COG6: variants seen among roughly 807,000 people sequenced by gnomAD.
COG6 encodes the protein component of oligomeric golgi complex 6, also known as conserved oligomeric Golgi complex subunit 6.
In COG6, 74 loss-of-function variants were observed where a neutral mutation model predicts 88.8. The observed-to-expected ratio is 0.83, with a 90% confidence interval of 0.69 to 1.01. The LOEUF is 1.01. COG6 is among the 50% of genes least tolerant of loss of function. The pLI is 0.00. For missense variants in COG6, 800 were observed against 797.9 expected (o/e 1.00, Z -0.03); for synonymous variants, 286 against 278.7 (o/e 1.03, Z -0.26).
rs1880699983 is a variant in COG6, at chr13:39,752,582, T to C, written c.*1489T>C. The C allele has an allele frequency of 7.9e-7, 1 of 1,263,442 alleles. No individual in the cohort carries two copies. Among genetic ancestry groups the C allele is most frequent in the South Asian group, 1.3e-5 (1 of 77,310 alleles). 78.3% of individuals were successfully genotyped at this position (1,263,442 alleles called of 1,614,324 possible). On this transcript the variant is annotated 3_prime_UTR_variant, in exon 19 of 19. Transcript: ENST00000455146. The stretch of plus-strand genomic sequence containing the variant: ...AATTCCTTTGTTTTATAGGGAAAAT[T>C]TATTGTGCTTTTTACCTGGTTTTTT...
At chr13:39,709,806 G>A (rs1878141038) in intron 13 of COG6, among the ~76,000 whole-genome samples, 2 of 152,026 alleles carry the variant, frequency 1.3e-5, no homozygotes, top group African/African-American at 4.8e-5. Flanking sequence ...GGGCACTTAG[G>A]TTGATTCCGT....
chr13:39,766,460 T>C (rs1881168536), intron 18 of COG6, among the ~76,000 whole-genome samples: 1 of 151,688 alleles, frequency 6.6e-6, no homozygotes, highest in Admixed American at 6.6e-5. Context: ...GGAACAAGAG[T>C]AGCCTTTGTA....
chr13:39,686,895 AT>A (rs1021564991), intron 8 of COG6, among the ~76,000 whole-genome samples: 306 of 143,230 alleles, frequency 2.1e-3, no homozygotes, highest in African/African-American at 5.7e-3. Context: ...ATGCCTGGCT[AT>A]TTTTTTTTTT....
downstream of COG6, among the ~76,000 whole-genome samples, chr13:39,753,431 T>G (rs1188886159): frequency 6.6e-6 from 1 of 152,224 alleles, no homozygotes; most frequent in African/African-American, 2.4e-5. Flanking sequence ...TACAGCAGTC[T>G]AAATGAACTA....
chr13:39,741,355 C>A (rs1212645324), intron 18 of COG6, among the ~76,000 whole-genome samples: 5 of 151,956 alleles, frequency 3.3e-5, no homozygotes, highest in Non-Finnish European at 2.9e-5. Flanking sequence ...AGCTAAAAAC[C>A]TTGAAAAAAG....
intron 18 of COG6, among the ~76,000 whole-genome samples, chr13:39,768,382 A>G (rs952157290): frequency 1.3e-5 from 2 of 152,146 alleles, no homozygotes; most frequent in Non-Finnish European, 2.9e-5. Flanking sequence ...GGGCGGGACA[A>G]TTGCAATTTC....
chr13:39,787,125 T>A (rs568518057), intron 18 of COG6, among the ~76,000 whole-genome samples: 1 of 152,280 alleles, frequency 6.6e-6, no homozygotes, highest in South Asian at 2.1e-4. Context: ...TGGCTCATCA[T>A]GCTGTGAACT....
At chr13:39,730,720 G>A (rs1879388514) in intron 18 of COG6, among the ~76,000 whole-genome samples, 1 of 122,420 alleles carries the variant, frequency 8.2e-6, no homozygotes, top group Non-Finnish European at 1.6e-5. Flanking sequence ...GTTGCAGTGA[G>A]CCGCAGTCGC....
rs1238328462 is a variant in COG6 at position 39,724,539 on chromosome 13, C to G, written c.1724C>G (p.Ser575Cys). ...GSLANMPNLD[S>C]VTLKAAMVQF... ...TTAGCTAATATGCCCAACCTAGATTCTGTGACACTGAAGGCTGCAATGGTA... is the reference window on the plus strand; with the variant it reads ...TTAGCTAATATGCCCAACCTAGATTGTGTGACACTGAAGGCTGCAATGGTA... Residue 575 changes from serine to cysteine, a missense_variant, in exon 17 of 19, where the codon TCT becomes TGT. Transcript: ENST00000455146. 1.3e-6 allele frequency: 2 copies of G among 1,551,022 alleles called. No individual in the cohort carries two copies. Among genetic ancestry groups the G allele is most frequent in the Non-Finnish European group, 1.8e-6 (2 of 1,136,304 alleles).
chr13:39,733,344 A>G (rs145206553), intron 18 of COG6, among the ~76,000 whole-genome samples: 146 of 151,762 alleles, frequency 9.6e-4, no homozygotes, highest in Middle Eastern at 3.4e-3. Context: ...ACACCTGCCA[A>G]TGTGCCCGGC....
exon 19 of COG6, chr13:39,790,056 C>T (rs1324308210): frequency 1.3e-5 from 2 of 152,068 alleles, no homozygotes; most frequent in African/African-American, 4.8e-5. Flanking sequence ...GTTATATTGA[C>T]TAACCTTCAC....
At chr13:39,749,390 T>A (rs1880507167) in intron 18 of COG6, among the ~76,000 whole-genome samples, 1 of 152,230 alleles carries the variant, frequency 6.6e-6, no homozygotes, top group Non-Finnish European at 1.5e-5. Flanking sequence ...CAACATGTAT[T>A]TCTGTAATTC....
chr13:39,738,347 A>C (rs1879875200), intron 18 of COG6, among the ~76,000 whole-genome samples: 1 of 152,212 alleles, frequency 6.6e-6, no homozygotes, highest in Non-Finnish European at 1.5e-5. Flanking sequence ...TAAGTTATCC[A>C]TGAAATATAT....
In COG6 at chr13:39,655,862, C is replaced by A; in HGVS notation, c.136C>A (p.Arg46=). The change falls in exon 1 of 19, where the codon CGG becomes AGG. Residue 46 remains arginine, a synonymous_variant. Coordinates refer to ENST00000455146, the MANE Select transcript of COG6 (RefSeq NM_020751.3). The part of the protein sequence containing the change: ...SRKLHKILET[R]LDNDKEMLEA... ...CAAGCTGCATAAGATCCTGGAGACG[C>A]GGCTGGACAACGACAAGGTAACCGG... 2.5e-6 allele frequency: 4 copies of A among 1,607,202 alleles called. No homozygotes were observed. Among genetic ancestry groups the A allele is most frequent in the Non-Finnish European group, 3.4e-6 (4 of 1,177,882 alleles).
chr13:39,664,892 A>C (rs1875148300), intron 3 of COG6, among the ~76,000 whole-genome samples: 1 of 152,146 alleles, frequency 6.6e-6, no homozygotes, highest in African/African-American at 2.4e-5. Flanking sequence ...TGTAAGCCTT[A>C]GCATTATGTG....
At chr13:39,659,273 A>G (rs192746840) in intron 1 of COG6, 91 bp from the exon 2 acceptor site, 9 of 1,247,540 alleles carry the variant, frequency 7.2e-6, no homozygotes, top group Admixed American at 1.9e-5. Context: ...AAAATAAATC[A>G]TTTGAAAATG....
intron 18 of COG6, among the ~76,000 whole-genome samples, chr13:39,777,379 A>G (rs918708905): frequency 6.6e-6 from 1 of 152,148 alleles, no homozygotes; most frequent in Admixed American, 6.5e-5. Flanking sequence ...TCCTGTAAGA[A>G]TAAGAGTTAA....
At chr13:39,733,467 G>C (rs1879568243) in intron 18 of COG6, among the ~76,000 whole-genome samples, 1 of 151,976 alleles carries the variant, frequency 6.6e-6, no homozygotes, top group South Asian at 2.1e-4. Context: ...GGGATTACAG[G>C]TGTGAGCCAC....
chr13:39,722,075 T>C (rs1878878434), intron 15 of COG6, among the ~76,000 whole-genome samples: 1 of 152,116 alleles, frequency 6.6e-6, no homozygotes, highest in Admixed American at 6.6e-5. Context: ...TGGTTGGTTT[T>C]ATCTCACGGA....
Sources: gnomAD v4.1 joint callset for allele counts (sites outside exome capture counted in the v4.1 genomes callset) on GRCh38, gnomAD v4.1.1 for gene constraint, MANE v1.5 for transcripts, NCBI Gene and HGNC (gene_info 2026-07-23, HGNC 2026-07-21) for gene names.